Variants in CDH23 observed in about 807,000 individuals in gnomAD.
The protein encoded by CDH23 is cadherin related 23, also known as cadherin-23.
A neutral mutation model predicts 317.1 loss-of-function variants in CDH23; 189 were observed. The ratio of observed to expected loss-of-function variants is 0.60; its 90% CI spans 0.53 to 0.67. CDH23 has a LOEUF of 0.67. Among genes scored for constraint, CDH23 ranks in the 30% least tolerant of loss-of-function variants. CDH23 has a pLI of 0.00. For missense variants in CDH23, 4,401 were observed against 4,592.4 expected (o/e 0.96, Z 1.20); for synonymous variants, 1,839 against 1,876.8 (o/e 0.98, Z 0.52).
intron 6 of CDH23, among the ~76,000 whole-genome samples, chr10:71,539,599 T>C (rs1855883092): frequency 6.6e-6 from 1 of 152,136 alleles, no homozygotes; most frequent in Non-Finnish European, 1.5e-5. Context: ...TGCTGTCTCC[T>C]GAGGGCTGCA....
chr10:71,599,832 C>T (rs956298818), intron 9 of CDH23, among the ~76,000 whole-genome samples: 3 of 152,114 alleles, frequency 2.0e-5, no homozygotes, highest in Admixed American at 1.3e-4. Context: ...CTCTGATTCT[C>T]ACTTCTCCAG....
At chr10:71,812,185 G>A in intron 66 of CDH23, 170 bp downstream of exon 66, 1 of 1,580,220 alleles carries the variant, frequency 6.3e-7, no homozygotes, top group Non-Finnish European at 8.6e-7. Context: ...GAAACCACGT[G>A]GCTGACAGGG....
At chr10:71,414,044 G>GTT (rs1554822116) in intron 1 of CDH23, among the ~76,000 whole-genome samples, 1 of 115,182 alleles carries the variant, frequency 8.7e-6, no homozygotes, top group Middle Eastern at 3.9e-3. Context: ...TAGCTCCTGG[G>GTT]TTTTGTGTGT....
intron 3 of CDH23, 46 bp from the exon 4 acceptor site, chr10:71,510,036 G>A (rs369187034): frequency 8.7e-6 from 14 of 1,612,872 alleles, no homozygotes; most frequent in South Asian, 2.2e-5. Context: ...AGGCATAAAC[G>A]TGACCTCTCT....
chr10:71,655,474 TA>T (rs1863378059), intron 14 of CDH23, among the ~76,000 whole-genome samples: 11 of 152,288 alleles, frequency 7.2e-5, no homozygotes, highest in Admixed American at 5.2e-4. Flanking sequence ...AGCACCGCCT[TA>T]AAAAGCCCAC....
intron 30 of CDH23, 110 bp from the exon 31 acceptor site, chr10:71,730,359 A>C: frequency 7.1e-7 from 1 of 1,407,488 alleles, no homozygotes; most frequent in Non-Finnish European, 9.6e-7. Context: ...GGGAGCTCAC[A>C]GCAGGCCCAG....
At chr10:71,813,568 G>A (rs1842016061) in intron 69 of CDH23, among the ~76,000 whole-genome samples, 1 of 152,160 alleles carries the variant, frequency 6.6e-6, no homozygotes, top group Non-Finnish European at 1.5e-5. Context: ...GTCTTTCTCT[G>A]ATTAGAGGAA....
rs190393650 is a variant in CDH23, at chr10:71,749,560, G to T, written c.4845+7639G>T. On this transcript the variant is annotated intron_variant, in intron 38 of 69. Transcript: ENST00000224721. Reference sequence around the variant, plus strand: ...GACCCCCCTCTGCCTAGGGACAAGGGAGAAGCCGGGGTTTGGGCATATTCT... The same window carrying T: ...GACCCCCCTCTGCCTAGGGACAAGGTAGAAGCCGGGGTTTGGGCATATTCT... The T allele has an allele frequency of 2.0e-5, 3 of 152,438 alleles. No homozygotes were observed. The East Asian group carries it at 5.8e-4, about 29-fold the overall frequency. The allele number at this position is 152,438 out of a possible 1,614,324, so 9.4% of individuals were successfully genotyped here. A position where few individuals can be genotyped will look rare whatever the true frequency, so the allele number is the denominator to read the frequency against.
chr10:71,582,359 A>T (rs1327214605), intron 9 of CDH23, among the ~76,000 whole-genome samples: 1 of 152,252 alleles, frequency 6.6e-6, no homozygotes, highest in Non-Finnish European at 1.5e-5. Context: ...GTGCAAAAAA[A>T]GGTGATAAAA....
chr10:71,803,797 C>G (rs12415169), intron 55 of CDH23, among the ~76,000 whole-genome samples: 2 of 137,490 alleles, frequency 1.5e-5, no homozygotes, highest in Admixed American at 1.5e-4. Context: ...TAGTGAAACC[C>G]GATCTCTACT....
intron 6 of CDH23, among the ~76,000 whole-genome samples, chr10:71,548,410 C>T (rs576095408): frequency 2.0e-5 from 3 of 152,234 alleles, no homozygotes; most frequent in East Asian, 3.9e-4. Context: ...CCACCGAATA[C>T]GTCTTCTTTA....
In CDH23 at chr10:71,812,396, G is replaced by T. The variant is rs369141960; in HGVS notation, c.9381-84G>T. 39 of 1,606,504 alleles carry T rather than the reference G, an allele frequency of 2.4e-5. No homozygotes were observed. In the African/African-American group the frequency reaches 3.9e-4, roughly 16 times the overall value. Reference sequence around the variant, plus strand: ...AAGGCACTATATGGCCAGGGAAATGGGCAGGATGTGGGGTGAGGCTGGAAG... The same window carrying T: ...AAGGCACTATATGGCCAGGGAAATGTGCAGGATGTGGGGTGAGGCTGGAAG... On this transcript the variant is annotated intron_variant, in intron 66 of 69. Coordinates refer to ENST00000224721, the MANE Select transcript of CDH23 (RefSeq NM_022124.6).
chr10:71,733,011 A>G (rs1240222881), intron 32 of CDH23, among the ~76,000 whole-genome samples: 1 of 152,118 alleles, frequency 6.6e-6, no homozygotes, highest in African/African-American at 2.4e-5. Flanking sequence ...GTCTCACAAA[A>G]CTGCCTCCAC....
At chr10:71,575,103 G>T (rs1157174697) in intron 8 of CDH23, among the ~76,000 whole-genome samples, 4 of 152,186 alleles carry the variant, frequency 2.6e-5, no homozygotes, top group Non-Finnish European at 5.9e-5. Flanking sequence ...CTCCACTAGT[G>T]CCAGTTCTGC....
chr10:71,549,736 AC>A (rs955506836), intron 6 of CDH23, among the ~76,000 whole-genome samples: 1 of 152,196 alleles, frequency 6.6e-6, no homozygotes, highest in African/African-American at 2.4e-5. Context: ...CGGGTTTTAC[AC>A]TTTTCTCCAA....
intron 6 of CDH23, among the ~76,000 whole-genome samples, chr10:71,540,940 T>C (rs1271498283): frequency 5.9e-5 from 9 of 151,946 alleles, no homozygotes; most frequent in Non-Finnish European, 1.5e-5. Context: ...CCCCAAAGTC[T>C]GGTTCTTGGA....
chr10:71,793,765 C>A (rs551100440), intron 48 of CDH23, 125 bp downstream of exon 48: 134 of 748,666 alleles, frequency 1.8e-4, no homozygotes, highest in Non-Finnish European at 2.7e-4. Context: ...TTCTCTCCCC[C>A]TCCTCTGGAG....
intron 14 of CDH23, among the ~76,000 whole-genome samples, chr10:71,658,591 C>T (rs1197174829): frequency 6.6e-6 from 1 of 152,234 alleles, no homozygotes; most frequent in African/African-American, 2.4e-5. Context: ...CAAGAGGATA[C>T]TGCGTTCATC....
At chr10:71,471,398 T>G (rs1309496096) in intron 3 of CDH23, among the ~76,000 whole-genome samples, 1 of 152,166 alleles carries the variant, frequency 6.6e-6, no homozygotes, top group Non-Finnish European at 1.5e-5. Flanking sequence ...CCTGCTTCTC[T>G]CCCACCACTG....
Sources: allele counts gnomAD v4.1 joint callset (sites outside exome capture counted in the v4.1 genomes callset), GRCh38; gene constraint gnomAD v4.1.1; transcripts MANE v1.5; gene names NCBI Gene and HGNC (gene_info 2026-07-23, HGNC 2026-07-21).